Variants in RNF17 observed in about 807,000 individuals in gnomAD.
The protein encoded by RNF17 is spermatogenesis associated 23.
In RNF17, 31 loss-of-function variants were observed where a neutral mutation model predicts 200.5. That is an observed-to-expected ratio of 0.15 (90% CI 0.12 to 0.21). The LOEUF (loss-of-function observed/expected upper bound fraction) is 0.21. RNF17 is among the 10% of genes least tolerant of loss of function. RNF17 has a pLI of 1.00. For synonymous variants in RNF17, 606 were observed against 637.8 expected (o/e 0.95, Z 0.75); for missense variants, 1,628 against 1,905.1 (o/e 0.85, Z 2.71).
intron 15 of RNF17, among the ~76,000 whole-genome samples, chr13:24,815,377 G>T (rs1396038793): frequency 6.6e-6 from 1 of 151,408 alleles, no homozygotes; most frequent in African/African-American, 2.4e-5. Flanking sequence ...ATTTTTACAT[G>T]TGAATTTTGT....
At chr13:24,829,269 TC>T (rs1347161003) in intron 16 of RNF17, among the ~76,000 whole-genome samples, 2 of 152,202 alleles carry the variant, frequency 1.3e-5, no homozygotes, top group Non-Finnish European at 2.9e-5. Context: ...GGAGCCATCT[TC>T]CCATAGTTTC....
intron 29 of RNF17, 117 bp downstream of exon 29, chr13:24,865,115 G>A (rs544936098): frequency 1.6e-5 from 12 of 732,340 alleles, no homozygotes; most frequent in Middle Eastern, 3.6e-4. Context: ...TATTAAGAGA[G>A]TCTAGAGGAC....
intron 5 of RNF17, among the ~76,000 whole-genome samples, chr13:24,780,478 A>G (rs1030592696): frequency 8.5e-5 from 13 of 152,176 alleles, no homozygotes; most frequent in African/African-American, 3.1e-4. Flanking sequence ...CTAAAAACAG[A>G]GTGTTCTCTA....
chr13:24,764,693 C>T (rs1370616975), intron 1 of RNF17, among the ~76,000 whole-genome samples: 1 of 152,152 alleles, frequency 6.6e-6, no homozygotes, highest in Non-Finnish European at 1.5e-5. Context: ...CAAGAAGGAA[C>T]GAAACTTGAT....
rs1046875322 is a variant in RNF17 at position 24,773,677 on chromosome 13, G to A, written c.226-1136G>A. On this transcript the variant is annotated intron_variant, in intron 2 of 35. Transcript: ENST00000255324. Reference sequence around the variant, plus strand: ...ACACCCTTGCCACAAACCTGTACACGTACCCCTTGAATCTAAAATTTTAAA... The same window carrying A: ...ACACCCTTGCCACAAACCTGTACACATACCCCTTGAATCTAAAATTTTAAA... 5.3e-5 allele frequency among the ~76,000 whole-genome samples: 8 copies of A among 152,270 alleles called. No homozygotes were observed. In the East Asian group the frequency reaches 5.8e-4, roughly 11 times the overall value.
chr13:24,861,331 C>T lies in RNF17; in HGVS notation c.3838C>T (p.Leu1280=). The T allele has an allele frequency of 6.3e-7, 1 of 1,590,340 alleles. No homozygotes were observed. Among genetic ancestry groups the T allele is most frequent in the Non-Finnish European group, 8.6e-7 (1 of 1,165,850 alleles). ...IPQCHLYPIL[L]YPDIPQFCIP... ...GCAGTGCCATCTTTACCCTATTTTG[C>T]TGTATCCTGATATACCCCAGTTTTG... Residue 1280 remains leucine (L), a synonymous_variant, in exon 27 of 36, where the codon CTG becomes TTG. Transcript: ENST00000255324.
chr13:24,811,897 G>A (rs1392450023), intron 15 of RNF17, among the ~76,000 whole-genome samples: 3 of 151,934 alleles, frequency 2.0e-5, no homozygotes, highest in African/African-American at 2.4e-5. Flanking sequence ...TGGAGTACCC[G>A]GCCGTGTGAG....
intron 10 of RNF17, among the ~76,000 whole-genome samples, chr13:24,795,160 CATCT>C (rs1884402278): frequency 1.3e-5 from 2 of 152,188 alleles, no homozygotes; most frequent in African/African-American, 2.4e-5. Context: ...CAGTTTCTGT[CATCT>C]ATCTATACTT....
At chr13:24,848,378 A>G (rs779969057) in intron 22 of RNF17, among the ~76,000 whole-genome samples, 1 of 151,878 alleles carries the variant, frequency 6.6e-6, no homozygotes, top group Non-Finnish European at 1.5e-5. Flanking sequence ...AAGAACATTC[A>G]TGGCCGGACG....
chr13:24,783,161 C>T (rs1368342597), intron 6 of RNF17, among the ~76,000 whole-genome samples: 2 of 152,164 alleles, frequency 1.3e-5, no homozygotes, highest in African/African-American at 4.8e-5. Context: ...TCCTTTCCCC[C>T]ACTGAATGTT....
At position 24,870,751 on chromosome 13, in the gene RNF17, A is replaced by G. The variant is rs1258962751; in HGVS notation, c.4447+12A>G. On this transcript the variant is annotated intron_variant, in intron 32 of 35. Transcript: ENST00000255324. ...GGATTTTAGAACAGGTATACTTACT[A>G]TATTTGAATGAAACAGGATACTTAA... The G allele has an allele frequency of 1.9e-6, 3 of 1,609,954 alleles. No homozygotes were observed. The highest frequency in any genetic ancestry group is 1.3e-5 in the African/African-American group (1 of 74,732).
At chr13:24,837,491 C>G (rs560534351) in intron 18 of RNF17, among the ~76,000 whole-genome samples, 21 of 152,252 alleles carry the variant, frequency 1.4e-4, no homozygotes, top group Non-Finnish European at 2.2e-4. Flanking sequence ...GAAATTATAT[C>G]AAGCACTCTC....
At chr13:24,874,008 G>A (rs988756418) in intron 32 of RNF17, 106 bp from the exon 33 acceptor site, 16 of 1,119,656 alleles carry the variant, frequency 1.4e-5, no homozygotes, top group Non-Finnish European at 2.1e-5. Context: ...GAATAGTGCT[G>A]CAACAAACAT....
chr13:24,857,790 C>A (rs967327872), intron 25 of RNF17, among the ~76,000 whole-genome samples: 1 of 152,166 alleles, frequency 6.6e-6, no homozygotes, highest in African/African-American at 2.4e-5. Flanking sequence ...CTCAGCTACT[C>A]AGGAAACTGA....
intron 15 of RNF17, among the ~76,000 whole-genome samples, chr13:24,819,054 CAG>C (rs1411923839): frequency 6.6e-6 from 1 of 151,996 alleles, no homozygotes; most frequent in East Asian, 1.9e-4. Context: ...AAAAAACACA[CAG>C]AATTTATTAT....
intron 3 of RNF17, 109 bp from the exon 4 acceptor site, chr13:24,778,186 T>C (rs1436926962): frequency 3.0e-6 from 2 of 672,006 alleles, no homozygotes; most frequent in Non-Finnish European, 5.2e-6. Context: ...CGCTGGAGCC[T>C]GGGAAGTCGA....
chr13:24,834,511 T>C (rs1202008743), intron 18 of RNF17, among the ~76,000 whole-genome samples: 1 of 152,054 alleles, frequency 6.6e-6, no homozygotes, highest in African/African-American at 2.4e-5. Flanking sequence ...CAAAACTGAG[T>C]ACCCCAACTG....
At position 24,774,914 on chromosome 13, in the gene RNF17, A is replaced by G. The variant is rs377766401; in HGVS notation, c.317+10A>G. 22 of 1,502,278 alleles carry G rather than the reference A, an allele frequency of 1.5e-5. No individual in the cohort carries two copies. The highest frequency in any genetic ancestry group is 2.8e-5 in the African/African-American group (2 of 72,280). 93.1% of individuals were successfully genotyped at this position (1,502,278 alleles called of 1,614,324 possible). On this transcript the variant is annotated intron_variant, in intron 3 of 35. Coordinates refer to ENST00000255324, the MANE Select transcript of RNF17 (RefSeq NM_031277.3). The stretch of plus-strand genomic sequence containing the variant: ...AACTGCAGCCTAAGACGTATGTTCC[A>G]TGTGTACTTATTTGAGTATTTAAAG...
intron 19 of RNF17, among the ~76,000 whole-genome samples, chr13:24,842,985 TAA>T (rs374294921): frequency 6.0e-5 from 8 of 133,736 alleles, no homozygotes; most frequent in African/African-American, 8.2e-5. Context: ...AGACTCTGTC[TAA>T]AAAAAAAAAA....
Sources: allele counts gnomAD v4.1 joint callset (sites outside exome capture counted in the v4.1 genomes callset), GRCh38; gene constraint gnomAD v4.1.1; transcripts MANE v1.5; gene names NCBI Gene and HGNC (gene_info 2026-07-23, HGNC 2026-07-21).